The following AQP10 variants were observed in gnomAD, a reference collection of about 807,000 sequenced individuals.
The protein encoded by AQP10 is aquaporin-10.
AQP10 carries 15 observed loss-of-function variants against 21.0 expected under a neutral mutation model. The observed-to-expected ratio is 0.71, with a 90% CI of 0.48 to 1.10. The LOEUF (loss-of-function observed/expected upper bound fraction) is 1.10, where lower values mean the gene tolerates loss of function less well. Among genes scored for constraint, AQP10 ranks in the 50% least tolerant of loss-of-function variants. The pLI is 0.00. For missense variants in AQP10, 268 were observed against 379.5 expected (o/e 0.71, Z 2.44); for synonymous variants, 143 against 155.7 (o/e 0.92, Z 0.61).
chr1:154,321,360 T>C, intron 1 of AQP10, 100 bp downstream of exon 1: 1 of 863,704 alleles, frequency 1.2e-6, no homozygotes, highest in Non-Finnish European at 1.8e-6. Context: ...CCCCTTCCTC[T>C]CAACTCCCTA....
Position 154,321,175 on chromosome 1 carries a change from C to T in AQP10, c.20C>T (p.Pro7Leu), listed in dbSNP as rs773803347. 60 of 1,613,550 alleles carry T rather than the reference C, an allele frequency of 3.7e-5. No homozygotes were observed. The highest frequency in any genetic ancestry group is 1.6e-4 in the South Asian group (15 of 91,016). MVFTQA[P>L]AEIMGHLRIR... ...TCCACCATGGTCTTCACTCAGGCCC[C>T]GGCTGAAATCATGGGCCACCTCCGG... The change falls in exon 1 of 6, where the codon CCG (proline) becomes CTG (leucine). Residue 7 changes from proline to leucine, a missense_variant. Transcript: ENST00000324978.
In AQP10 at chr1:154,324,282, T is replaced by C; in HGVS notation, c.708T>C (p.Ser236=). The part of the protein sequence containing the change: ...YVAGWGPEVF[S]AGNGWWWVPV... Reference sequence around the variant, plus strand: ...CCTTCCCACTGTCCTTCTTTTGCAGTGCTGGTAATGGCTGGTGGTGGGTGC... The same window carrying C: ...CCTTCCCACTGTCCTTCTTTTGCAGCGCTGGTAATGGCTGGTGGTGGGTGC... Residue 236 remains serine, a splice_region_variant and synonymous_variant, in exon 6 of 6, where the codon AGT becomes AGC. Transcript: ENST00000324978. The C allele has an allele frequency of 6.5e-7, 1 of 1,540,536 alleles. No homozygotes were observed. Among genetic ancestry groups the C allele is most frequent in the Non-Finnish European group, 8.7e-7 (1 of 1,149,232 alleles).
chr1:154,323,251 G>C lies in AQP10; in HGVS notation c.381G>C (p.Gln127His). The change falls in exon 4 of 6, where the codon CAG becomes CAC. Residue 127 changes from glutamine (Q) to histidine (H), a missense_variant. This residue lies in a region of AQP10 where 229 missense variants were observed against 295.1 expected (regional missense o/e 0.78). Coordinates refer to ENST00000324978, the MANE Select transcript of AQP10 (RefSeq NM_080429.3). This position sits in a 1 kb window ranked among gnomAD's most constrained non-coding sequence, Gnocchi z 4.5. ...ATYVLYHDAL[Q>H]NYTGGNLTVT... ...TCCCTTCCTCCACAGATGCCCTACA[G>C]AACTATACAGGTGGGAACCTGACAG... is the stretch of plus-strand genomic sequence containing the variant. 6.2e-7 allele frequency: 1 copy of C among 1,614,166 alleles called. No homozygotes were observed. The highest frequency in any genetic ancestry group is 1.1e-5 in the South Asian group (1 of 91,084).
chr1:154,322,844 C>T, intron 2 of AQP10, 138 bp from the exon 3 acceptor site: 3 of 1,115,804 alleles, frequency 2.7e-6, no homozygotes, highest in Middle Eastern at 3.0e-4. Flanking sequence ...ACATCTGGAG[C>T]CTCAATTTCC....
At chr1:154,322,489 C>T (rs372409856) in intron 2 of AQP10, among the ~76,000 whole-genome samples, 1 of 117,834 alleles carries the variant, frequency 8.5e-6, no homozygotes, top group Non-Finnish European at 1.7e-5. Context: ...GTGTCTTCTT[C>T]TTTTTTTTTT....
chr1:154,321,920 C>T lies in AQP10; in HGVS notation c.106-13C>T, dbSNP rs376508474. 4.9e-5 allele frequency: 79 copies of T among 1,611,510 alleles called. No individual in the cohort carries two copies. Among genetic ancestry groups the T allele is most frequent in the East Asian group, 2.2e-5 (1 of 44,856 alleles). ...CTGGGCTCCCTGTTCCTCATCTCTC[C>T]TCTTCTCAGCAGCTCCTCACCCAAG... On this transcript the variant is annotated splice_polypyrimidine_tract_variant and intron_variant, in intron 1 of 5. Coordinates refer to ENST00000324978, the MANE Select transcript of AQP10 (RefSeq NM_080429.3).
chr1:154,323,113 T>C lies in AQP10; in HGVS notation c.364T>C (p.Tyr122His). 1 of 1,614,194 alleles carries C rather than the reference T, an allele frequency of 6.2e-7. No individual in the cohort carries two copies. The highest frequency in any genetic ancestry group is 8.5e-7 in the Non-Finnish European group (1 of 1,180,034). Reference protein sequence around the residue: ...FCASGATYVLYHDALQNYTGG... With the variant: ...FCASGATYVLHHDALQNYTGG... ...TGCTTCGGGAGCCACCTATGTTCTC[T>C]ACCATGGTGACAGAGGGAACAGAGG... Residue 122 changes from tyrosine to histidine, a missense_variant, in exon 3 of 6, where the codon TAC (tyrosine) becomes CAC (histidine). Around this residue, in one of 3 missense-constraint regions of AQP10, gnomAD observed 229 missense variants for 295.1 expected, o/e 0.78. Coordinates refer to ENST00000324978, the MANE Select transcript of AQP10 (RefSeq NM_080429.3). This position sits in a 1 kb window ranked among gnomAD's most constrained non-coding sequence, Gnocchi z 4.5.
In AQP10 at chr1:154,324,471, T is replaced by TA. The variant is rs1558265044; in HGVS notation, c.899dup (p.Leu301AlafsTer18). 6.2e-7 allele frequency: 1 copy of TA among 1,613,296 alleles called. No individual in the cohort carries two copies. Among genetic ancestry groups the TA allele is most frequent in the East Asian group, 2.2e-5 (1 of 44,878 alleles). On this transcript the variant is annotated frameshift_variant, in exon 6 of 6. Coordinates refer to ENST00000324978, the MANE Select transcript of AQP10 (RefSeq NM_080429.3). LOFTEE classifies it high-confidence loss of function. ...CTGCCTCAGCTCAGATGCTGGAGTGTAAGCTATGATTAGGACAACCCTCAC... is the reference window on the plus strand; with the variant it reads ...CTGCCTCAGCTCAGATGCTGGAGTGTAAAGCTATGATTAGGACAACCCTCAC...
chr1:154,324,115 G>A (rs546443093), intron 5 of AQP10, 167 bp from the exon 6 acceptor site: 2 of 1,133,992 alleles, frequency 1.8e-6, no homozygotes, highest in South Asian at 3.4e-5. Context: ...CTCTCCTGGG[G>A]TTCCCTCTTC....
At chr1:154,321,747 A>T (rs1245241519) in intron 1 of AQP10, among the ~76,000 whole-genome samples, 186 bp from the exon 2 acceptor site, 1 of 151,894 alleles carries the variant, frequency 6.6e-6, no homozygotes, top group East Asian at 1.9e-4. Context: ...CTTTTTTCCC[A>T]CATTCTTTCC....
Position 154,323,423 on chromosome 1 carries a change from T to A in AQP10, c.489+64T>A. 1 of 1,552,446 alleles carries A rather than the reference T, an allele frequency of 6.4e-7. No individual in the cohort carries two copies. Among genetic ancestry groups the A allele is most frequent in the African/African-American group, 1.4e-5 (1 of 73,722 alleles). ...CCTGTTCCTCGGCACCCCAGCCTATTGTTCAGTCTCTGGGTGGAGTGTGGG... is the reference window on the plus strand; with the variant it reads ...CCTGTTCCTCGGCACCCCAGCCTATAGTTCAGTCTCTGGGTGGAGTGTGGG... On this transcript the variant is annotated intron_variant, in intron 4 of 5. Coordinates refer to ENST00000324978, the MANE Select transcript of AQP10 (RefSeq NM_080429.3). This position sits in a 1 kb window ranked among gnomAD's most constrained non-coding sequence, Gnocchi z 4.5.
At chr1:154,322,177 G>A in intron 2 of AQP10, 118 bp downstream of exon 2, 1 of 1,472,730 alleles carries the variant, frequency 6.8e-7, no homozygotes, top group Non-Finnish European at 9.1e-7. Flanking sequence ...CCCTTGAACA[G>A]TGTCCCAGAC....
In AQP10 at chr1:154,323,386, C is replaced by G. The variant is rs753371419; in HGVS notation, c.489+27C>G. The G allele has an allele frequency of 1.2e-6, 2 of 1,601,410 alleles. No individual in the cohort carries two copies. The highest frequency in any genetic ancestry group is 2.2e-5 in the South Asian group (2 of 90,734). On this transcript the variant is annotated intron_variant, in intron 4 of 5. Coordinates refer to ENST00000324978, the MANE Select transcript of AQP10 (RefSeq NM_080429.3). This position sits in a 1 kb window ranked among gnomAD's most constrained non-coding sequence, Gnocchi z 4.5. The stretch of plus-strand genomic sequence containing the variant: ...TAAGTGTGAGGGGGAGACCTGGGGA[C>G]ACTACTTTGGTCCTGTTCCTCGGCA...
chr1:154,322,840 G>A, intron 2 of AQP10, 142 bp from the exon 3 acceptor site: 1 of 1,084,520 alleles, frequency 9.2e-7, no homozygotes, highest in Non-Finnish European at 1.3e-6. Flanking sequence ...TGTAACATCT[G>A]GAGCCTCAAT....
rs1377092599 is a variant in AQP10 at position 154,322,046 on chromosome 1, T to C, written c.219T>C (p.Gly73=). Residue 73 remains glycine, a synonymous_variant, in exon 2 of 6, where the codon GGT becomes GGC. Transcript: ENST00000324978. ...CCGTTACGATAGCCATCTACGTGGGTGGTAACGTCTCAGGTGAGGAGGGTG... is the reference window on the plus strand; with the variant it reads ...CCGTTACGATAGCCATCTACGTGGGCGGTAACGTCTCAGGTGAGGAGGGTG... ...SLAVTIAIYV[G]GNVSGAHLNP... is the part of the protein sequence containing the mutation. The C allele has an allele frequency of 6.2e-7, 1 of 1,613,220 alleles. No homozygotes were observed. The highest frequency in any genetic ancestry group is 8.5e-7 in the Non-Finnish European group (1 of 1,179,670).
chr1:154,322,151 A>G lies in AQP10; in HGVS notation c.232+92A>G. 3 of 1,538,754 alleles carry G rather than the reference A, an allele frequency of 1.9e-6. No individual in the cohort carries two copies. The South Asian group carries it at 3.6e-5, about 19-fold the overall frequency. ...TGGTGGAAACGCAAATCCTTCTGTG[A>G]CTCGTGGACATTATCCCCTTGAACA... On this transcript the variant is annotated intron_variant, in intron 2 of 5. Transcript: ENST00000324978.
intron 5 of AQP10, 163 bp from the exon 6 acceptor site, chr1:154,324,119 C>T: frequency 8.9e-7 from 1 of 1,127,352 alleles, no homozygotes; most frequent in Admixed American, 3.0e-5. Context: ...CCTGGGGTTC[C>T]CTCTTCTAAA....
chr1:154,323,776 A>G lies in AQP10; in HGVS notation c.677A>G (p.Tyr226Cys). The G allele has an allele frequency of 6.2e-7, 1 of 1,614,138 alleles. No homozygotes were observed. The highest frequency in any genetic ancestry group is 8.5e-7 in the Non-Finnish European group (1 of 1,179,996). The change falls in exon 5 of 6, where the codon TAC (tyrosine) becomes TGC (cysteine). Residue 226 changes from tyrosine to cysteine, a missense_variant. Around this residue, in one of 3 missense-constraint regions of AQP10, gnomAD observed 229 missense variants for 295.1 expected, o/e 0.78. Transcript: ENST00000324978. The surrounding 1 kb of genome is among the most constrained non-coding windows in gnomAD (Gnocchi z 4.5). ...ARDLGPRLFT[Y>C]VAGWGPEVFS... ...GACCTGGGCCCACGTCTCTTCACCT[A>G]CGTGGCTGGCTGGGGTCCTGAAGTC...
rs1685650247 is a variant in AQP10 at position 154,321,925 on chromosome 1, C to T, written c.106-8C>T. The T allele has an allele frequency of 1.2e-6, 2 of 1,611,782 alleles. No individual in the cohort carries two copies. The highest frequency in any genetic ancestry group is 1.7e-6 in the Non-Finnish European group (2 of 1,179,472). ...CTCCCTGTTCCTCATCTCTCCTCTTCTCAGCAGCTCCTCACCCAAGGAGCT... is the reference window on the plus strand; with the variant it reads ...CTCCCTGTTCCTCATCTCTCCTCTTTTCAGCAGCTCCTCACCCAAGGAGCT... On this transcript the variant is annotated splice_region_variant and splice_polypyrimidine_tract_variant and intron_variant, in intron 1 of 5. Coordinates refer to ENST00000324978, the MANE Select transcript of AQP10 (RefSeq NM_080429.3).
Sources: gnomAD v4.1 joint callset for allele counts (sites outside exome capture counted in the v4.1 genomes callset) on GRCh38, gnomAD v4.1.1 for gene constraint, gnomAD v4.1.1 regional missense constraint, Gnocchi (gnomAD v3.1) non-coding constraint, MANE v1.5 for transcripts, NCBI Gene and HGNC (gene_info 2026-07-23, HGNC 2026-07-21) for gene names.